KYNU: variants seen among roughly 807,000 people sequenced by gnomAD.
KYNU encodes the protein L-kynurenine hydrolase.
KYNU carries 54 observed loss-of-function variants against 59.2 expected under a neutral mutation model. The observed-to-expected ratio is 0.91, with a 90% CI of 0.73 to 1.14. The LOEUF (loss-of-function observed/expected upper bound fraction) is 1.14, where lower values mean the gene tolerates loss of function less well. Among genes scored for constraint, KYNU ranks in the 50% most tolerant of loss-of-function variants. KYNU has a pLI of 0.00. For synonymous variants in KYNU, 177 were observed against 192.0 expected, an observed-to-expected ratio of 0.92 and a Z score of 0.65; for missense variants, 567 against 554.4, an observed-to-expected ratio of 1.02 and a Z score of -0.23.
intron 4 of KYNU, 144 bp downstream of exon 4, chr2:142,927,885 C>A: frequency 1.6e-6 from 1 of 614,520 alleles, no homozygotes; most frequent in South Asian, 2.2e-5. Flanking sequence ...AGGAAGTACA[C>A]TTTCAACTTA....
At chr2:142,934,139 G>A (rs1426930166) in intron 4 of KYNU, among the ~76,000 whole-genome samples, 1 of 152,148 alleles carries the variant, frequency 6.6e-6, no homozygotes, top group Non-Finnish European at 1.5e-5. Context: ...TTTGTTGGGT[G>A]GAGTAGGCGA....
chr2:142,906,091 T>C (rs1229166768), intron 2 of KYNU, among the ~76,000 whole-genome samples: 2 of 151,906 alleles, frequency 1.3e-5, no homozygotes, highest in East Asian at 3.9e-4. Context: ...TCTCTCTCTC[T>C]CATCTCTGTC....
intron 2 of KYNU, among the ~76,000 whole-genome samples, chr2:142,888,677 T>A (rs1014454499): frequency 2.6e-5 from 4 of 151,832 alleles, no homozygotes; most frequent in Non-Finnish European, 5.9e-5. Flanking sequence ...TCCTCTAGGA[T>A]AAGATGGTAT....
chr2:142,891,034 A>G (rs1681694062), intron 2 of KYNU, among the ~76,000 whole-genome samples: 1 of 152,150 alleles, frequency 6.6e-6, no homozygotes, highest in African/African-American at 2.4e-5. Context: ...ATTTTAAGTG[A>G]AAATGTCCAG....
intron 10 of KYNU, among the ~76,000 whole-genome samples, chr2:143,022,014 A>G (rs1378239088): frequency 6.6e-6 from 1 of 152,182 alleles, no homozygotes. Context: ...CCAGACTACC[A>G]TACTAAAGTA....
At chr2:142,973,547 A>C (rs80242310) in intron 8 of KYNU, among the ~76,000 whole-genome samples, 2,571 of 152,164 alleles carry the variant, frequency 0.017, 72 homozygotes, top group African/African-American at 0.059. Flanking sequence ...TCCCATCCTC[A>C]TACCTTCAGT....
At chr2:142,969,993 C>T (rs977349534) in intron 8 of KYNU, among the ~76,000 whole-genome samples, 2 of 152,066 alleles carry the variant, frequency 1.3e-5, no homozygotes, top group Admixed American at 6.6e-5. Context: ...GAAATGTACA[C>T]ATCAGTTCTA....
At chr2:142,910,640 C>T (rs1000172101) in intron 2 of KYNU, among the ~76,000 whole-genome samples, 5 of 152,152 alleles carry the variant, frequency 3.3e-5, no homozygotes, top group Non-Finnish European at 7.4e-5. Flanking sequence ...AGTCACAAAT[C>T]CTTTGTCAAA....
At chr2:142,954,958 G>T in intron 5 of KYNU, 87 bp downstream of exon 5, 1 of 842,326 alleles carries the variant, frequency 1.2e-6, no homozygotes, top group South Asian at 1.5e-5. Flanking sequence ...GCTTCTGGGG[G>T]TTTACTTATT....
rs970431550 is a variant in KYNU at position 143,055,744 on chromosome 2, T to G, written c.*13572T>G. 1 of 152,002 alleles carries G rather than the reference T, an allele frequency of 6.6e-6. No homozygotes were observed. Among genetic ancestry groups the G allele is most frequent in the African/African-American group, 2.4e-5 (1 of 41,396 alleles). The allele number at this position is 152,002 out of a possible 1,614,324, so 9.4% of individuals were successfully genotyped here. On this transcript the variant is annotated 3_prime_UTR_variant, in exon 14 of 14. Coordinates refer to ENST00000264170, the MANE Select transcript of KYNU (RefSeq NM_003937.3). ...AAGAAAAAAATAGTATGAAAAAATC[T>G]TGATAAATTTGAAAACTGGGTGAAT... is the stretch of plus-strand genomic sequence containing the variant.
At chr2:142,926,042 G>T (rs1482560765) in intron 3 of KYNU, among the ~76,000 whole-genome samples, 1 of 152,078 alleles carries the variant, frequency 6.6e-6, no homozygotes, top group Non-Finnish European at 1.5e-5. Flanking sequence ...AGAAAACCAA[G>T]CACCGCATGT....
chr2:143,005,293 TA>T (rs893687940), intron 10 of KYNU, among the ~76,000 whole-genome samples: 11 of 152,300 alleles, frequency 7.2e-5, no homozygotes, highest in African/African-American at 1.7e-4. Flanking sequence ...TGGTTGTGTC[TA>T]AAGTTTGCTT....
In KYNU at chr2:142,978,730, A is replaced by T. The variant is rs550497012; in HGVS notation, c.730-6354A>T. 3.9e-5 allele frequency among the ~76,000 whole-genome samples: 6 copies of T among 152,314 alleles called. No individual in the cohort carries two copies. In the South Asian group the frequency reaches 1.2e-3, roughly 32 times the overall value. ...TAACTATTTTATTATTTTAATAATT[A>T]ATAAGAGCGTATCAATGCATACCAT... On this transcript the variant is annotated intron_variant, in intron 8 of 13. Transcript: ENST00000264170.
intron 10 of KYNU, among the ~76,000 whole-genome samples, chr2:143,017,230 G>A (rs988915641): frequency 6.6e-6 from 1 of 151,808 alleles, no homozygotes; most frequent in Non-Finnish European, 1.5e-5. Flanking sequence ...GTGTCTTTTT[G>A]GTAAAATAAT....
At chr2:142,953,581 A>G (rs1684065956) in intron 4 of KYNU, among the ~76,000 whole-genome samples, 1 of 152,244 alleles carries the variant, frequency 6.6e-6, no homozygotes, top group African/African-American at 2.4e-5. Context: ...GCTTATATTC[A>G]TATCTATTTA....
chr2:142,970,638 G>A (rs1016067865), intron 8 of KYNU, among the ~76,000 whole-genome samples: 3 of 152,120 alleles, frequency 2.0e-5, no homozygotes, highest in African/African-American at 4.8e-5. Context: ...AAAGTCAGTT[G>A]GACTTTGTTG....
intron 4 of KYNU, among the ~76,000 whole-genome samples, chr2:142,931,026 T>A (rs1296725895): frequency 6.6e-6 from 1 of 152,218 alleles, no homozygotes; most frequent in Non-Finnish European, 1.5e-5. Context: ...TAGTCTGACA[T>A]AACTGCTGCG....
chr2:142,922,062 G>A (rs1406477425), intron 3 of KYNU, among the ~76,000 whole-genome samples: 1 of 152,096 alleles, frequency 6.6e-6, no homozygotes, highest in Non-Finnish European at 1.5e-5. Flanking sequence ...CTTCTTGGTT[G>A]ATACTCAAGC....
chr2:142,896,596 G>A (rs930761414), intron 2 of KYNU, among the ~76,000 whole-genome samples: 1 of 151,978 alleles, frequency 6.6e-6, no homozygotes, highest in African/African-American at 2.4e-5. Context: ...AGCCAGGCTG[G>A]AGTGAAGTGG....
Sources: gnomAD v4.1 joint callset for allele counts (sites outside exome capture counted in the v4.1 genomes callset) on GRCh38, gnomAD v4.1.1 for gene constraint, MANE v1.5 for transcripts, NCBI Gene and HGNC (gene_info 2026-07-23, HGNC 2026-07-21) for gene names.